CAST: variants seen among roughly 807,000 people sequenced by gnomAD.
CAST encodes the protein calpastatin, also known as MIR583 host.
CAST carries 76 observed loss-of-function variants against 119.6 expected under a neutral mutation model. That is an observed-to-expected ratio of 0.64 (90% CI 0.53 to 0.77). The LOEUF is 0.77. Among genes scored for constraint, CAST ranks in the 30% least tolerant of loss-of-function variants. CAST has a pLI of 0.00. For missense variants in CAST, 953 were observed against 946.5 expected (o/e 1.01, Z -0.09); for synonymous variants, 319 against 331.6 (o/e 0.96, Z 0.41).
chr5:96,549,673 C>G (rs1349554112), intron 1 of CAST, among the ~76,000 whole-genome samples: 1 of 152,206 alleles, frequency 6.6e-6, no homozygotes, highest in South Asian at 2.1e-4. Flanking sequence ...CCTGGAGGAA[C>G]AGTACACTCC....
the CAST span, among the ~76,000 whole-genome samples, chr5:96,294,557 C>G: frequency 6.6e-6 from 1 of 152,200 alleles, no homozygotes; most frequent in Admixed American, 6.5e-5. Context: ...AATTGCCAGT[C>G]TCTGAACATT....
the CAST span, among the ~76,000 whole-genome samples, chr5:96,115,623 C>CT: frequency 6.6e-6 from 1 of 152,180 alleles, no homozygotes; most frequent in Non-Finnish European, 1.5e-5. Context: ...TCAATAAAGG[C>CT]TTGTTGAATT....
chr5:96,354,878 CT>C, the CAST span, among the ~76,000 whole-genome samples: 1 of 151,196 alleles, frequency 6.6e-6, no homozygotes, highest in Non-Finnish European at 1.5e-5. Flanking sequence ...AAACAATTTA[CT>C]TTTTATTTTT....
At chr5:96,423,430 G>C in the CAST span, 1 of 1,613,942 alleles carries the variant, frequency 6.2e-7, no homozygotes, top group Non-Finnish European at 8.5e-7. Flanking sequence ...GGTCCAGCTT[G>C]GGCAGGGCTG....
At chr5:96,283,137 A>AAAAAAAAAAAAAAAAAG in the CAST span, among the ~76,000 whole-genome samples, 3 of 132,960 alleles carry the variant, frequency 2.3e-5, no homozygotes, top group Non-Finnish European at 3.1e-5. Context: ...CTCAAAAAAA[A>AAAAAAAAAAAAAAAAAG]AAAAAAAAGA....
chr5:96,077,144 T>TATATTTTAG, the CAST span, among the ~76,000 whole-genome samples: 3 of 151,990 alleles, frequency 2.0e-5, no homozygotes, highest in African/African-American at 7.2e-5. Flanking sequence ...TTTATTAAAG[T>TATATTTTAG]ATATTTTAGA....
intron 1 of CAST, among the ~76,000 whole-genome samples, chr5:96,599,966 CAAA>C (rs74978713): frequency 8.1e-4 from 38 of 47,196 alleles, no homozygotes; most frequent in African/African-American, 2.0e-3. Flanking sequence ...CTTCATTAGG[CAAA>C]AAAAAAAAAA....
the CAST span, among the ~76,000 whole-genome samples, chr5:96,160,907 C>A: frequency 6.6e-6 from 1 of 152,074 alleles, no homozygotes; most frequent in African/African-American, 2.4e-5. Context: ...TGTATATTTT[C>A]TTTGGAGAAC....
intron 2 of CAST, among the ~76,000 whole-genome samples, chr5:96,688,178 A>G (rs2112280): frequency 0.047 from 7,093 of 152,306 alleles, 574 homozygotes; most frequent in African/African-American, 0.16. Context: ...AGTACATGTT[A>G]GGATGTGTGT....
the CAST span, among the ~76,000 whole-genome samples, chr5:96,488,109 A>G: frequency 3.3e-5 from 5 of 152,252 alleles, no homozygotes; most frequent in South Asian, 2.1e-4. Context: ...GCTTCAGAAC[A>G]GAATCAAGTG....
the CAST span, among the ~76,000 whole-genome samples, chr5:96,116,785 A>G: frequency 2.0e-5 from 3 of 152,166 alleles, no homozygotes; most frequent in Non-Finnish European, 4.4e-5. Flanking sequence ...TGGGTAGTGT[A>G]TCTTCTTTCT....
intron 26 of CAST, 119 bp from the exon 27 acceptor site, chr5:96,765,934 A>G: frequency 1.6e-6 from 1 of 631,152 alleles, no homozygotes; most frequent in Non-Finnish European, 2.9e-6. Context: ...AAAAATAAAA[A>G]CAGACCATAT....
chr5:96,335,238 A>G, the CAST span, among the ~76,000 whole-genome samples: 1 of 152,164 alleles, frequency 6.6e-6, no homozygotes, highest in Non-Finnish European at 1.5e-5. Context: ...AGAGTTACCT[A>G]TACTCAGTGT....
the CAST span, among the ~76,000 whole-genome samples, chr5:96,401,804 G>C: frequency 6.6e-6 from 1 of 152,220 alleles, no homozygotes; most frequent in South Asian, 2.1e-4. Flanking sequence ...TATCCATCTT[G>C]TTCTCTGATG....
At chr5:96,277,749 A>G in the CAST span, among the ~76,000 whole-genome samples, 3 of 151,954 alleles carry the variant, frequency 2.0e-5, no homozygotes, top group African/African-American at 7.3e-5. Flanking sequence ...TCATTAAGTA[A>G]GGTTTTTTTT....
chr5:96,068,788 T>C, the CAST span, among the ~76,000 whole-genome samples: 13 of 151,384 alleles, frequency 8.6e-5, no homozygotes, highest in South Asian at 2.7e-3. Flanking sequence ...TATATACACA[T>C]GTGTGTATAT....
chr5:96,736,871 G>A (rs892877505), intron 10 of CAST, among the ~76,000 whole-genome samples: 2 of 152,106 alleles, frequency 1.3e-5, no homozygotes, highest in African/African-American at 4.8e-5. Context: ...ACTTCCCTGA[G>A]ACTGGGTAAT....
the CAST span, among the ~76,000 whole-genome samples, chr5:96,153,170 A>T: frequency 2.6e-5 from 4 of 152,134 alleles, no homozygotes; most frequent in Admixed American, 2.6e-4. Flanking sequence ...AGCATATTAG[A>T]GTAGAAAGAG....
the CAST span, among the ~76,000 whole-genome samples, chr5:96,092,223 G>C: frequency 2.0e-5 from 3 of 152,144 alleles, no homozygotes; most frequent in East Asian, 5.8e-4. Context: ...ATCTTTCACA[G>C]GTACCTTATT....
Sources: allele counts gnomAD v4.1 joint callset (sites outside exome capture counted in the v4.1 genomes callset), GRCh38; gene constraint gnomAD v4.1.1; transcripts MANE v1.5; gene names NCBI Gene and HGNC (gene_info 2026-07-23, HGNC 2026-07-21).